The following RANBP2 variants were observed in gnomAD, a reference collection of about 807,000 sequenced individuals.
RANBP2 encodes RAN binding protein 2, also known as E3 SUMO-protein ligase RanBP2.
A neutral mutation model predicts 303.6 loss-of-function variants in RANBP2; 57 were observed. The ratio of observed to expected loss-of-function variants is 0.19; its 90% CI spans 0.15 to 0.23. The LOEUF is 0.23. Ranked by LOEUF, RANBP2 falls within the 10% of genes least tolerant of loss-of-function variation. The pLI is 1.00. For missense variants in RANBP2, 3,138 were observed against 3,780.8 expected, an observed-to-expected ratio of 0.83 and a Z score of 4.46; for synonymous variants, 1,167 against 1,301.5, an observed-to-expected ratio of 0.90 and a Z score of 2.23.
rs1253878287 is a variant in RANBP2 at position 108,766,272 on chromosome 2, A to G, written c.5733A>G (p.Lys1911=). The G allele has an allele frequency of 6.2e-7, 1 of 1,612,068 alleles. No individual in the cohort carries two copies. The highest frequency in any genetic ancestry group is 8.5e-7 in the Non-Finnish European group (1 of 1,180,012). ...CGGAACCAGGAAATCAAGAAAAGAA[A>G]AGTGAAAAGCCTCTTGAAAATGGTA... The part of the protein sequence containing the change: ...GISEPGNQEK[K]SEKPLENGTG... Residue 1911 remains lysine, a synonymous_variant, in exon 20 of 29, where the codon AAA becomes AAG. Transcript: ENST00000283195.
chr2:109,308,365 T>C, the RANBP2 span, among the ~76,000 whole-genome samples: 8 of 101,410 alleles, frequency 7.9e-5, no homozygotes, highest in Admixed American at 2.0e-4. Context: ...TTCTCCCATT[T>C]TGTAGGTTGC....
the RANBP2 span, among the ~76,000 whole-genome samples, chr2:109,689,710 C>A: frequency 2.0e-5 from 3 of 152,172 alleles, no homozygotes; most frequent in African/African-American, 7.2e-5. Flanking sequence ...TCCTTCCCCC[C>A]TCATCTCTGC....
chr2:108,958,155 G>A, the RANBP2 span, among the ~76,000 whole-genome samples: 34 of 152,138 alleles, frequency 2.2e-4, no homozygotes, highest in African/African-American at 7.7e-4. Flanking sequence ...AGAAAGAAAG[G>A]CGGGAGAGAA....
At chr2:109,699,686 A>G in the RANBP2 span, among the ~76,000 whole-genome samples, 388 of 152,284 alleles carry the variant, frequency 2.5e-3, 15 homozygotes, top group South Asian at 0.068. Flanking sequence ...GCGTTGTCTC[A>G]AGGGTGGCAG....
At chr2:109,683,376 C>T in the RANBP2 span, among the ~76,000 whole-genome samples, 33 of 152,254 alleles carry the variant, frequency 2.2e-4, no homozygotes, top group East Asian at 5.8e-4. Context: ...GCGGTGTGCA[C>T]GGTGGTGATA....
At chr2:109,482,803 C>T in the RANBP2 span, among the ~76,000 whole-genome samples, 5 of 152,176 alleles carry the variant, frequency 3.3e-5, no homozygotes, top group East Asian at 1.9e-4. Flanking sequence ...CAACACGATG[C>T]GGCGGTCACG....
the RANBP2 span, among the ~76,000 whole-genome samples, chr2:109,767,548 A>G: frequency 6.8e-6 from 1 of 146,720 alleles, no homozygotes; most frequent in Non-Finnish European, 1.5e-5. Flanking sequence ...CACAGTGTTT[A>G]TATCAGAGTA....
chr2:109,634,305 C>T, the RANBP2 span, among the ~76,000 whole-genome samples: 5 of 151,870 alleles, frequency 3.3e-5, no homozygotes, highest in Admixed American at 2.0e-4. Flanking sequence ...CACACCTACA[C>T]ACATCATAAT....
At chr2:109,690,160 G>A in the RANBP2 span, among the ~76,000 whole-genome samples, 1 of 152,190 alleles carries the variant, frequency 6.6e-6, no homozygotes, top group Non-Finnish European at 1.5e-5. Context: ...ATGCATGCCA[G>A]TGACACAGCC....
the RANBP2 span, among the ~76,000 whole-genome samples, chr2:109,645,961 A>G: frequency 6.6e-6 from 1 of 152,220 alleles, no homozygotes; most frequent in South Asian, 2.1e-4. Flanking sequence ...TGAAATGCTC[A>G]TGAAAACTTC....
the RANBP2 span, among the ~76,000 whole-genome samples, chr2:109,444,238 A>C: frequency 6.6e-6 from 1 of 152,240 alleles, no homozygotes; most frequent in African/African-American, 2.4e-5. Flanking sequence ...TGGGAAGCTA[A>C]CACTGATTTA....
At chr2:109,388,107 C>G in the RANBP2 span, among the ~76,000 whole-genome samples, 6 of 152,194 alleles carry the variant, frequency 3.9e-5, no homozygotes, top group Admixed American at 1.3e-4. Context: ...ACACATTCAC[C>G]ATCCTACGCC....
the RANBP2 span, among the ~76,000 whole-genome samples, chr2:109,047,992 G>A: frequency 1.3e-5 from 2 of 152,190 alleles, no homozygotes; most frequent in African/African-American, 4.8e-5. Flanking sequence ...GGTGGGAGTG[G>A]AGACAAAGCT....
At chr2:109,339,547 G>T in the RANBP2 span, among the ~76,000 whole-genome samples, 1 of 152,164 alleles carries the variant, frequency 6.6e-6, no homozygotes, top group African/African-American at 2.4e-5. Context: ...TGGTAGATGG[G>T]GCCGACCAGG....
At chr2:109,676,422 T>C in the RANBP2 span, among the ~76,000 whole-genome samples, 217 of 152,338 alleles carry the variant, frequency 1.4e-3, 1 homozygote, top group African/African-American at 4.6e-3. Context: ...ACCTGACAAG[T>C]GCAGACACAT....
chr2:109,251,574 TG>T, the RANBP2 span: 1 of 853,496 alleles, frequency 1.2e-6, no homozygotes, highest in Non-Finnish European at 2.0e-6. Context: ...TGGCGACTGG[TG>T]GGCAACAGAA....
intron 22 of RANBP2, 72 bp downstream of exon 22, chr2:108,772,653 A>G: frequency 7.1e-7 from 1 of 1,413,864 alleles, no homozygotes; most frequent in Non-Finnish European, 9.8e-7. Context: ...ACCTAGTCTG[A>G]TAATTTCTAT....
chr2:109,744,980 G>A, the RANBP2 span, among the ~76,000 whole-genome samples: 1 of 1,764 alleles, frequency 5.7e-4, no homozygotes, highest in African/African-American at 1.3e-3. Context: ...AGTGCGTATA[G>A]CAGCTTTATT....
the RANBP2 span, among the ~76,000 whole-genome samples, chr2:109,331,052 C>G: frequency 1.3e-5 from 2 of 152,284 alleles, no homozygotes; most frequent in East Asian, 3.9e-4. Context: ...GACTTTCACC[C>G]AAAATCTAAA....
Sources: gnomAD v4.1 joint callset for allele counts (sites outside exome capture counted in the v4.1 genomes callset) on GRCh38, gnomAD v4.1.1 for gene constraint, MANE v1.5 for transcripts, NCBI Gene and HGNC (gene_info 2026-07-23, HGNC 2026-07-21) for gene names.